Variants in ATP2B2 observed in about 807,000 individuals in gnomAD.
ATP2B2 encodes the protein ATPase plasma membrane Ca2+ transporting 2.
ATP2B2 carries 15 observed loss-of-function variants against 120.0 expected under a neutral mutation model. That is an observed-to-expected ratio of 0.12 (90% confidence interval 0.08 to 0.19). The LOEUF (loss-of-function observed/expected upper bound fraction) is 0.19, where lower values mean the gene tolerates loss of function less well. Ranked by LOEUF, ATP2B2 falls within the 10% of genes least tolerant of loss-of-function variation. The pLI is 1.00. For missense variants in ATP2B2, 1,045 were observed against 1,719.8 expected, an observed-to-expected ratio of 0.61 and a Z score of 6.94; for synonymous variants, 694 against 700.3, an observed-to-expected ratio of 0.99 and a Z score of 0.14.
At chr3:10,422,753 G>A (rs769871342) in intron 2 of ATP2B2, among the ~76,000 whole-genome samples, 2 of 152,224 alleles carry the variant, frequency 1.3e-5, no homozygotes, top group South Asian at 2.1e-4. Flanking sequence ...ATGTCCATTC[G>A]CTTATGTGCA....
At chr3:10,360,889 C>A (rs910751721) in intron 12 of ATP2B2, among the ~76,000 whole-genome samples, 1 of 152,208 alleles carries the variant, frequency 6.6e-6, no homozygotes, top group Non-Finnish European at 1.5e-5. Context: ...CTTGTACTAC[C>A]CTTTTTTTAA....
At chr3:10,358,415 G>C (rs2060800876) in intron 14 of ATP2B2, among the ~76,000 whole-genome samples, 1 of 152,246 alleles carries the variant, frequency 6.6e-6, no homozygotes, top group African/African-American at 2.4e-5. Context: ...AAGAGCTCAT[G>C]GTGGCTGGCT....
intron 1 of ATP2B2, among the ~76,000 whole-genome samples, chr3:10,687,254 T>A (rs2071546098): frequency 6.6e-6 from 1 of 152,160 alleles, no homozygotes; most frequent in Non-Finnish European, 1.5e-5. Context: ...ACAACACAAG[T>A]ACCTTTCCCC....
chr3:10,691,348 C>T (rs2071659534), intron 1 of ATP2B2, among the ~76,000 whole-genome samples: 2 of 152,242 alleles, frequency 1.3e-5, no homozygotes, highest in African/African-American at 4.8e-5. Flanking sequence ...CCAGGGCCAC[C>T]ACTTTAAGCC....
intron 9 of ATP2B2, 42 bp downstream of exon 9, chr3:10,379,187 AGCCGGTGGGGAGGG>A (rs1377870104): frequency 8.2e-5 from 129 of 1,575,580 alleles, no homozygotes; most frequent in Admixed American, 6.8e-5. Context: ...TGACTGTCAG[AGCCGGTGGGGAGGG>A]GCCTCAGGGA....
At chr3:10,465,123 C>T (rs2064680847) in intron 1 of ATP2B2, among the ~76,000 whole-genome samples, 1 of 152,248 alleles carries the variant, frequency 6.6e-6, no homozygotes, top group South Asian at 2.1e-4. Flanking sequence ...CCCAAGCCTC[C>T]TCTCCCCTGA....
At chr3:10,641,849 A>G (rs1014249958) in intron 1 of ATP2B2, among the ~76,000 whole-genome samples, 1 of 151,950 alleles carries the variant, frequency 6.6e-6, no homozygotes, top group East Asian at 1.9e-4. Context: ...TATTCATCCA[A>G]CCATCCACCT....
chr3:10,484,562 C>T (rs1360889241), intron 1 of ATP2B2, among the ~76,000 whole-genome samples: 1 of 152,152 alleles, frequency 6.6e-6, no homozygotes, highest in Non-Finnish European at 1.5e-5. Context: ...CGGCCTGTCC[C>T]CAGGCTTCCC....
intron 2 of ATP2B2, among the ~76,000 whole-genome samples, chr3:10,618,574 G>A (rs977403624): frequency 1.3e-5 from 2 of 152,162 alleles, no homozygotes; most frequent in East Asian, 1.9e-4. Flanking sequence ...AATCGGAGGA[G>A]GAAGCATGCT....
chr3:10,591,116 G>A (rs1315303965), intron 2 of ATP2B2, among the ~76,000 whole-genome samples: 1 of 152,008 alleles, frequency 6.6e-6, no homozygotes, highest in Non-Finnish European at 1.5e-5. Flanking sequence ...CCTTCTGAGA[G>A]GAAGATGTCT....
At chr3:10,669,976 T>G (rs1008382252) in intron 1 of ATP2B2, among the ~76,000 whole-genome samples, 2 of 152,210 alleles carry the variant, frequency 1.3e-5, no homozygotes, top group Non-Finnish European at 2.9e-5. Context: ...TAGATAAAAG[T>G]CAGGCATCTG....
intron 1 of ATP2B2, among the ~76,000 whole-genome samples, chr3:10,707,292 G>A (rs1473537759): frequency 6.6e-6 from 1 of 152,230 alleles, no homozygotes; most frequent in Non-Finnish European, 1.5e-5. Flanking sequence ...TGTGGCCAGG[G>A]GGGCCAGGAG....
chr3:10,462,813 C>T (rs901095265), intron 1 of ATP2B2, among the ~76,000 whole-genome samples: 9 of 152,256 alleles, frequency 5.9e-5, no homozygotes, highest in African/African-American at 2.2e-4. Context: ...TTCGTGACTA[C>T]AGCTTCCCAC....
At chr3:10,687,500 G>C (rs1044856290) in intron 1 of ATP2B2, among the ~76,000 whole-genome samples, 1 of 152,012 alleles carries the variant, frequency 6.6e-6, no homozygotes, top group Non-Finnish European at 1.5e-5. Context: ...GAGAAAGCTC[G>C]CTCTAAGCAG....
chr3:10,359,789 C>A (rs2060844016), intron 13 of ATP2B2, 93 bp downstream of exon 13: 2 of 1,574,994 alleles, frequency 1.3e-6, no homozygotes, highest in African/African-American at 2.7e-5. Flanking sequence ...CTGAGCCTGG[C>A]CTGGATGGCG....
chr3:10,651,058 T>C (rs559199452), intron 1 of ATP2B2, among the ~76,000 whole-genome samples: 94 of 152,358 alleles, frequency 6.2e-4, no homozygotes, highest in African/African-American at 2.2e-3. Context: ...TGTACCCCCA[T>C]TGTATCTAGG....
chr3:10,669,349 G>T (rs955429155), intron 1 of ATP2B2, among the ~76,000 whole-genome samples: 3 of 152,084 alleles, frequency 2.0e-5, no homozygotes, highest in Admixed American at 6.5e-5. Context: ...TCTCCTGGGA[G>T]CCTCTTCCTG....
intron 3 of ATP2B2, among the ~76,000 whole-genome samples, chr3:10,530,296 T>C (rs1559442500): frequency 1.3e-5 from 2 of 152,158 alleles, no homozygotes; most frequent in South Asian, 4.1e-4. Context: ...ATCGAATCCT[T>C]CCGACATCCT....
intron 1 of ATP2B2, among the ~76,000 whole-genome samples, chr3:10,701,152 A>G (rs1415217943): frequency 2.6e-5 from 4 of 152,206 alleles, no homozygotes; most frequent in Non-Finnish European, 5.9e-5. Flanking sequence ...AAAGGCACTG[A>G]TTTGCTGAGA....
Sources: gnomAD v4.1 joint callset for allele counts (sites outside exome capture counted in the v4.1 genomes callset) on GRCh38, gnomAD v4.1.1 for gene constraint, MANE v1.5 for transcripts, NCBI Gene and HGNC (gene_info 2026-07-23, HGNC 2026-07-21) for gene names.